The following THADA variants were observed in gnomAD, a reference collection of about 807,000 sequenced individuals.
THADA encodes tRNA (32-2'-O)-methyltransferase regulator THADA.
THADA carries 213 observed loss-of-function variants against 219.8 expected under a neutral mutation model. That is an observed-to-expected ratio of 0.97 (90% CI 0.87 to 1.09). THADA has a LOEUF of 1.09. Ranked by LOEUF, THADA falls within the 50% of genes least tolerant of loss-of-function variation. THADA has a pLI of 0.00. For synonymous variants in THADA, 1,018 were observed against 828.9 expected (o/e 1.23, Z -3.92); for missense variants, 2,956 against 2,311.3 (o/e 1.28, Z -5.72).
intron 29 of THADA, among the ~76,000 whole-genome samples, chr2:43,346,781 G>A (rs894729849): frequency 3.9e-5 from 6 of 152,198 alleles, no homozygotes; most frequent in African/African-American, 1.4e-4. Context: ...ATGGAGACAT[G>A]AAAAATCAAT....
At chr2:43,439,415 T>G (rs1165189397) in intron 26 of THADA, among the ~76,000 whole-genome samples, 1 of 152,212 alleles carries the variant, frequency 6.6e-6, no homozygotes, top group Non-Finnish European at 1.5e-5. Context: ...TGAAATCTCA[T>G]GCTGTCCCAC....
At chr2:43,413,753 ATCT>A (rs1452046262) in intron 28 of THADA, among the ~76,000 whole-genome samples, 1 of 152,184 alleles carries the variant, frequency 6.6e-6, no homozygotes, top group East Asian at 1.9e-4. Context: ...TGGTCTCTTC[ATCT>A]TCTTCTGTTC....
At chr2:43,235,258 G>C (rs1667903114) in intron 36 of THADA, among the ~76,000 whole-genome samples, 1 of 151,914 alleles carries the variant, frequency 6.6e-6, no homozygotes, top group Non-Finnish European at 1.5e-5. Flanking sequence ...GGGATTACAG[G>C]CATGAACCAC....
intron 26 of THADA, among the ~76,000 whole-genome samples, chr2:43,445,570 C>T (rs1320532601): frequency 2.6e-5 from 4 of 152,264 alleles, no homozygotes. Flanking sequence ...AAGCATCCTC[C>T]TCGGGGCCTC....
rs559610322 is a variant in THADA at position 43,383,325 on chromosome 2, C to T, written c.4227+14646G>A. ...TGCATAAGTAAGGCACAATCCCTGC[C>T]GTCCATGAGTTCACCATCTTCTTGG... On this transcript the variant is annotated intron_variant, in intron 29 of 37. Coordinates refer to ENST00000405975, the MANE Select transcript of THADA (RefSeq NM_022065.5). 7.2e-5 allele frequency among the ~76,000 whole-genome samples: 11 copies of T among 152,272 alleles called. No homozygotes were observed. In the East Asian group the frequency reaches 1.9e-3, roughly 27 times the overall value.
intron 28 of THADA, among the ~76,000 whole-genome samples, chr2:43,401,092 C>T (rs1262376846): frequency 6.6e-6 from 1 of 152,142 alleles, no homozygotes; most frequent in Non-Finnish European, 1.5e-5. Flanking sequence ...AAAATCAGTT[C>T]CTCTAATAGC....
chr2:43,249,778 A>AC (rs1669627546), intron 36 of THADA, among the ~76,000 whole-genome samples: 1 of 151,544 alleles, frequency 6.6e-6, no homozygotes, highest in Non-Finnish European at 1.5e-5. Flanking sequence ...TCTTCTCAGT[A>AC]CCCCATCCCC....
intron 34 of THADA, among the ~76,000 whole-genome samples, chr2:43,288,447 C>G (rs1285318718): frequency 6.6e-6 from 1 of 152,154 alleles, no homozygotes; most frequent in East Asian, 1.9e-4. Flanking sequence ...GCATCTAACA[C>G]TATTGTTTAA....
chr2:43,260,035 G>A (rs949079979), intron 36 of THADA, among the ~76,000 whole-genome samples: 1 of 152,156 alleles, frequency 6.6e-6, no homozygotes, highest in African/African-American at 2.4e-5. Flanking sequence ...CCAGGCTGGA[G>A]TACAGTGGAA....
intron 31 of THADA, among the ~76,000 whole-genome samples, chr2:43,298,718 C>A (rs1675889037): frequency 6.6e-6 from 1 of 152,084 alleles, no homozygotes; most frequent in African/African-American, 2.4e-5. Flanking sequence ...ACACCCAGAC[C>A]CATTTTTCTG....
At chr2:43,343,110 C>T (rs1243601455) in intron 30 of THADA, 1 of 152,198 alleles carries the variant, frequency 6.6e-6, no homozygotes, top group Admixed American at 6.5e-5. Context: ...TCACTAGAGC[C>T]TTAAACTCCT....
At chr2:43,352,007 A>G (rs552216928) in intron 29 of THADA, among the ~76,000 whole-genome samples, 3 of 152,374 alleles carry the variant, frequency 2.0e-5, no homozygotes, top group Admixed American at 6.5e-5. Flanking sequence ...AGGCCTGCAT[A>G]TGAAGAATTT....
intron 28 of THADA, among the ~76,000 whole-genome samples, chr2:43,420,070 GACTTTTC>G (rs1166939599): frequency 1.3e-5 from 2 of 152,138 alleles, no homozygotes; most frequent in African/African-American, 4.8e-5. Context: ...GGATCCCCCT[GACTTTTC>G]ACTCCTCTCA....
chr2:43,246,597 GAACA>G (rs1669182995), intron 36 of THADA, among the ~76,000 whole-genome samples: 1 of 151,984 alleles, frequency 6.6e-6, no homozygotes, highest in Non-Finnish European at 1.5e-5. Context: ...GCTCTAAATA[GAACA>G]AATACAGTTT....
chr2:43,380,390 G>A (rs1326739627), intron 29 of THADA, among the ~76,000 whole-genome samples: 1 of 152,180 alleles, frequency 6.6e-6, no homozygotes, highest in African/African-American at 2.4e-5. Context: ...ACTATACTGG[G>A]ATTGAGGAAA....
intron 21 of THADA, among the ~76,000 whole-genome samples, chr2:43,536,997 C>T (rs1007258391): frequency 6.6e-6 from 1 of 152,100 alleles, no homozygotes; most frequent in African/African-American, 2.4e-5. Flanking sequence ...AATTTGAATT[C>T]TGACTTTAAG....
At chr2:43,246,242 C>A (rs191830155) in intron 36 of THADA, among the ~76,000 whole-genome samples, 138 of 152,286 alleles carry the variant, frequency 9.1e-4, no homozygotes, top group African/African-American at 3.2e-3. Flanking sequence ...CGCCTGTAAT[C>A]CCAGCACTTT....
intron 31 of THADA, among the ~76,000 whole-genome samples, chr2:43,316,947 T>C (rs1208939085): frequency 6.6e-6 from 1 of 152,146 alleles, no homozygotes; most frequent in Admixed American, 6.6e-5. Context: ...ATATTAATAA[T>C]AGTTAATATT....
At chr2:43,346,643 T>C (rs1255986159) in intron 29 of THADA, among the ~76,000 whole-genome samples, 1 of 152,242 alleles carries the variant, frequency 6.6e-6, no homozygotes, top group Non-Finnish European at 1.5e-5. Context: ...AGTGTCATTT[T>C]ATGTGTCCTA....
Sources: gnomAD v4.1 joint callset for allele counts (sites outside exome capture counted in the v4.1 genomes callset) on GRCh38, gnomAD v4.1.1 for gene constraint, MANE v1.5 for transcripts, NCBI Gene and HGNC (gene_info 2026-07-23, HGNC 2026-07-21) for gene names.